PTPRT: variants seen among roughly 807,000 people sequenced by gnomAD.
PTPRT encodes the protein protein tyrosine phosphatase receptor type T, also known as receptor-type tyrosine-protein phosphatase T.
Under a neutral mutation model 176.8 loss-of-function variants are expected in PTPRT, and 56 were observed. That is an observed-to-expected ratio of 0.32 (90% CI 0.26 to 0.40). PTPRT has a LOEUF of 0.40. PTPRT is among the 10% of genes least tolerant of loss of function. The probability of loss-of-function intolerance (pLI) is 1.00; values close to 1 mark genes in which losing one functional copy is unlikely to be tolerated. For synonymous variants in PTPRT, 783 were observed against 739.0 expected, an observed-to-expected ratio of 1.06 and a Z score of -0.96; for missense variants, 1,540 against 1,908.2, an observed-to-expected ratio of 0.81 and a Z score of 3.60.
chr20:42,779,598 A>T (rs1407022684), intron 4 of PTPRT, among the ~76,000 whole-genome samples: 1 of 152,134 alleles, frequency 6.6e-6, no homozygotes, highest in African/African-American at 2.4e-5. Context: ...CAGAAACCAC[A>T]TCTCCCTGCT....
chr20:42,036,764 T>G, the PTPRT span, among the ~76,000 whole-genome samples: 3 of 152,126 alleles, frequency 2.0e-5, no homozygotes. Context: ...GCATAAGTAT[T>G]GCAGGTGAGG....
chr20:42,709,679 G>A (rs950221755), intron 6 of PTPRT, among the ~76,000 whole-genome samples: 1 of 152,162 alleles, frequency 6.6e-6, no homozygotes, highest in Non-Finnish European at 1.5e-5. Flanking sequence ...AAAAGTACCT[G>A]AAGATGTTGA....
At chr20:42,733,001 T>C (rs1430349798) in intron 6 of PTPRT, among the ~76,000 whole-genome samples, 1 of 152,160 alleles carries the variant, frequency 6.6e-6, no homozygotes, top group Non-Finnish European at 1.5e-5. Context: ...GATGAATAAA[T>C]GGGAACACTG....
At chr20:43,056,243 C>T (rs981314549) in intron 1 of PTPRT, among the ~76,000 whole-genome samples, 11 of 152,196 alleles carry the variant, frequency 7.2e-5, no homozygotes, top group Non-Finnish European at 1.3e-4. Flanking sequence ...TGGCACAGTG[C>T]TGGCTCTGGG....
intron 9 of PTPRT, among the ~76,000 whole-genome samples, chr20:42,441,653 C>T (rs1298869323): frequency 6.6e-6 from 1 of 152,126 alleles, no homozygotes; most frequent in East Asian, 1.9e-4. Context: ...GAGGGGTGCT[C>T]AGAACAGGAT....
At chr20:42,726,409 T>C (rs899627414) in intron 6 of PTPRT, among the ~76,000 whole-genome samples, 2 of 152,204 alleles carry the variant, frequency 1.3e-5, no homozygotes, top group Non-Finnish European at 2.9e-5. Context: ...GGGTCCATTA[T>C]TCTGCTACTA....
intron 1 of PTPRT, among the ~76,000 whole-genome samples, chr20:43,076,500 T>C (rs2011283740): frequency 6.6e-6 from 1 of 152,106 alleles, no homozygotes; most frequent in South Asian, 2.1e-4. Flanking sequence ...GGTCTTCAAC[T>C]GACCTTTTAC....
At chr20:43,090,557 C>A (rs907929585) in intron 1 of PTPRT, among the ~76,000 whole-genome samples, 2 of 151,886 alleles carry the variant, frequency 1.3e-5, no homozygotes, top group Non-Finnish European at 2.9e-5. Flanking sequence ...CGTGAGCCAC[C>A]GCGCCCAGCC....
intron 7 of PTPRT, among the ~76,000 whole-genome samples, chr20:42,486,582 G>T (rs1416883091): frequency 6.6e-6 from 1 of 152,034 alleles, no homozygotes; most frequent in Non-Finnish European, 1.5e-5. Context: ...ATTGTTAGTG[G>T]GATGTTGTCA....
At position 42,619,734 on chromosome 20, in the gene PTPRT, G is replaced by A. The variant is rs1212670306; in HGVS notation, c.1153+58132C>T. 2.8e-4 allele frequency among the ~76,000 whole-genome samples: 38 copies of A among 133,732 alleles called. 6 individuals are homozygous for A. The highest frequency in any genetic ancestry group is 9.9e-4 in the African/African-American group (28 of 28,168). The allele number at this position is 133,732 out of a possible 152,430, so 87.7% of individuals were successfully genotyped here. A position where few individuals can be genotyped will look rare whatever the true frequency, so the allele number is the denominator to read the frequency against. ...GCCCTTTCTTCCAGTTGATCACATC[G>A]GCTCCTGAGGCTTCTGCATTCTTCA... On this transcript the variant is annotated intron_variant, in intron 7 of 30. Coordinates refer to ENST00000373187, the MANE Select transcript of PTPRT (RefSeq NM_007050.6).
At position 42,744,674 on chromosome 20, in the gene PTPRT, C is replaced by A. The variant is rs192103850; in HGVS notation, c.859+11788G>T. 1.1e-4 allele frequency among the ~76,000 whole-genome samples: 17 copies of A among 152,268 alleles called. No homozygotes were observed. In the East Asian group the frequency reaches 2.9e-3, roughly 26 times the overall value. ...TTATCACTTCAATATTAATAACAGG[C>A]CTGCTTAGCAGACAATTTTCCTCCA... On this transcript the variant is annotated intron_variant, in intron 6 of 30. Transcript: ENST00000373187.
chr20:42,883,693 ACCTCCCATACACC>A (rs2079042206), intron 2 of PTPRT, among the ~76,000 whole-genome samples: 2 of 1,800 alleles, frequency 1.1e-3, no homozygotes, highest in Non-Finnish European at 1.3e-3. Context: ...ACACACACAC[ACCTCCCATACACC>A]CCCATACACA....
the PTPRT span, among the ~76,000 whole-genome samples, chr20:42,056,771 C>T: frequency 1.3e-5 from 2 of 152,186 alleles, no homozygotes; most frequent in Non-Finnish European, 2.9e-5. Flanking sequence ...GGGACAAAGG[C>T]TAAACCCTGA....
At chr20:42,517,266 C>T (rs1165331203) in intron 7 of PTPRT, among the ~76,000 whole-genome samples, 2 of 151,852 alleles carry the variant, frequency 1.3e-5, no homozygotes, top group Non-Finnish European at 2.9e-5. Context: ...TATTTTTCTA[C>T]AATTCACTCA....
At chr20:42,119,295 G>A (rs1987462449) in intron 20 of PTPRT, among the ~76,000 whole-genome samples, 1 of 152,116 alleles carries the variant, frequency 6.6e-6, no homozygotes, top group Admixed American at 6.5e-5. Flanking sequence ...TAGCTGCGAA[G>A]TTTTCTATAA....
intron 9 of PTPRT, among the ~76,000 whole-genome samples, chr20:42,384,270 C>T (rs1375784101): frequency 1.3e-5 from 2 of 152,180 alleles, no homozygotes; most frequent in African/African-American, 4.8e-5. Context: ...TTAACAAATT[C>T]TTAAATAACC....
intron 7 of PTPRT, among the ~76,000 whole-genome samples, chr20:42,486,767 T>C (rs2071471351): frequency 6.6e-6 from 1 of 152,118 alleles, no homozygotes; most frequent in African/African-American, 2.4e-5. Flanking sequence ...ACAAACCAGG[T>C]TGAAGGAGCG....
chr20:42,231,536 C>T (rs769424127), intron 15 of PTPRT, among the ~76,000 whole-genome samples: 6 of 152,120 alleles, frequency 3.9e-5, no homozygotes, highest in Admixed American at 2.0e-4. Context: ...GTATAGGGTG[C>T]GCCTTATTCA....
chr20:42,203,704 A>G (rs1321321046), intron 15 of PTPRT, among the ~76,000 whole-genome samples: 4 of 152,232 alleles, frequency 2.6e-5, no homozygotes, highest in Non-Finnish European at 5.9e-5. Flanking sequence ...CTTAATCCAC[A>G]TGGAACATGA....
Sources: gnomAD v4.1 joint callset for allele counts (sites outside exome capture counted in the v4.1 genomes callset) on GRCh38, gnomAD v4.1.1 for gene constraint, MANE v1.5 for transcripts, NCBI Gene and HGNC (gene_info 2026-07-23, HGNC 2026-07-21) for gene names.